Variants in AMER1 observed in about 807,000 individuals in gnomAD.
AMER1 encodes the protein APC membrane recruitment protein 1.
AMER1 carries 16 observed loss-of-function variants against 53.0 expected under a neutral mutation model. That is an observed-to-expected ratio of 0.30 (90% CI 0.20 to 0.46). The LOEUF (loss-of-function observed/expected upper bound fraction) is 0.46. Among genes scored for constraint, AMER1 ranks in the 20% least tolerant of loss-of-function variants. The pLI, the probability that AMER1 is intolerant of heterozygous loss-of-function variation, is 1.00. For synonymous variants in AMER1, 354 were observed against 331.9 expected (o/e 1.07, Z -0.73); for missense variants, 947 against 884.9 (o/e 1.07, Z -0.89).
rs370521101 is a variant in AMER1 at position 64,198,850 on chromosome X, A to G, written c.-98-5466T>C. On this transcript the variant is annotated intron_variant, in intron 1 of 1. Coordinates refer to ENST00000374869, the MANE Select transcript of AMER1 (RefSeq NM_152424.4). ...ACTCTACTCCCCTTTTCCTTAAGAG[A>G]TAGGTTTGAGTGGCCCAAAAACGAG... Among the ~76,000 whole-genome samples the G allele has an allele frequency of 2.7e-5, 3 of 112,094 alleles. No individual in the cohort carries two copies. The East Asian group carries it at 8.4e-4, about 31-fold the overall frequency.
chrX:64,198,586 A>G (rs778044968), intron 1 of AMER1, among the ~76,000 whole-genome samples: 1 of 111,854 alleles, frequency 8.9e-6, no homozygotes, highest in Non-Finnish European at 1.9e-5. Flanking sequence ...GAGAACTGCA[A>G]AGTTTACCCT....
At chrX:64,196,804 C>G (rs956642803) in intron 1 of AMER1, among the ~76,000 whole-genome samples, 1 of 111,672 alleles carries the variant, frequency 9.0e-6, no homozygotes, top group Non-Finnish European at 1.9e-5. Context: ...TCTGTGTTCT[C>G]TCTCCCAGAG....
chrX:64,194,181 C>T (rs1930317427), intron 1 of AMER1, among the ~76,000 whole-genome samples: 1 of 111,664 alleles, frequency 9.0e-6, no homozygotes, highest in Non-Finnish European at 1.9e-5. Context: ...GGCTGTCCTG[C>T]TGGGAAGATA....
In AMER1 at chrX:64,192,311, T is replaced by C. The variant is rs758208915; in HGVS notation, c.976A>G (p.Thr326Ala). ...VTSLKSFDSL[T>A]GCGDIIAEQD... is the part of the protein sequence containing the mutation. ...TCTGCTATTATGTCACCACAACCTG[T>C]CAATGAATCAAAGCTTTTCAGGGAT... Residue 326 changes from threonine to alanine, a missense_variant, in exon 2 of 2, where the codon ACA becomes GCA. Coordinates refer to ENST00000374869, the MANE Select transcript of AMER1 (RefSeq NM_152424.4). The C allele has an allele frequency of 8.3e-7, 1 of 1,210,933 alleles. No individual in the cohort carries two copies. The highest frequency in any genetic ancestry group is 2.2e-5 in the Admixed American group (1 of 45,955).
At chrX:64,198,758 C>T (rs753935017) in intron 1 of AMER1, among the ~76,000 whole-genome samples, 4 of 111,291 alleles carry the variant, frequency 3.6e-5, no homozygotes, top group Admixed American at 2.9e-4. Context: ...GGGCCAACAA[C>T]CCAGCCTGTG....
chrX:64,189,793 A>ACGGGGGGGC lies in AMER1; in HGVS notation c.*85_*86insGCCCCCCCG. On this transcript the variant is annotated 3_prime_UTR_variant, in exon 2 of 2. Coordinates refer to ENST00000374869, the MANE Select transcript of AMER1 (RefSeq NM_152424.4). ...CAAAGGGTTTTCAAGTTAAACAACA[A>ACGGGGGGGC]CCCCCACCCCCCCACCCTTCTGCCC... The ACGGGGGGGC allele has an allele frequency of 1.7e-5, 5 of 292,034 alleles. No homozygotes were observed. The highest frequency in any genetic ancestry group is 2.4e-5 in the Non-Finnish European group (5 of 204,797). The allele number at this position is 292,034 out of a possible 1,213,427, so 24.1% of individuals were successfully genotyped here. A position where few individuals can be genotyped will look rare whatever the true frequency, so the allele number is the denominator to read the frequency against.
At position 64,186,887 on chromosome X, in the gene AMER1, G is replaced by A; in HGVS notation, c.*2992C>T. On this transcript the variant is annotated 3_prime_UTR_variant, in exon 2 of 2. Coordinates refer to ENST00000374869, the MANE Select transcript of AMER1 (RefSeq NM_152424.4). The stretch of plus-strand genomic sequence containing the variant: ...TCCTCCAAGGACCAGTCTCATCTGG[G>A]AATTCTCAGGATCACAGCTGTCTGG... 1 of 773,338 alleles carries A rather than the reference G, an allele frequency of 1.3e-6. No homozygotes were observed. Among genetic ancestry groups the A allele is most frequent in the Non-Finnish European group, 1.5e-6 (1 of 650,240 alleles). 63.7% of individuals were successfully genotyped at this position (773,338 alleles called of 1,213,427 possible). A position where few individuals can be genotyped will look rare whatever the true frequency, so the allele number is the denominator to read the frequency against.
In AMER1 at chrX:64,186,765, A is replaced by T. The variant is rs1930120283; in HGVS notation, c.*3114T>A. On this transcript the variant is annotated 3_prime_UTR_variant, in exon 2 of 2. Transcript: ENST00000374869. ...TAGGGCTGGCTTGAACTGGGCCCCA[A>T]GGCAGTGCTTCCTTGGAGACTCTAA... 9 of 775,263 alleles carry T rather than the reference A, an allele frequency of 1.2e-5. No individual in the cohort carries two copies. Among genetic ancestry groups the T allele is most frequent in the Non-Finnish European group, 1.4e-5 (9 of 651,461 alleles). 63.9% of individuals were successfully genotyped at this position (775,263 alleles called of 1,213,427 possible).
In AMER1 at chrX:64,191,177, G is replaced by T. The variant is rs1174971100; in HGVS notation, c.2110C>A (p.Arg704Ser). Residue 704 changes from arginine (R) to serine (S), a missense_variant, in exon 2 of 2, where the codon CGT becomes AGT. Physicochemically the swap from Arg to Ser is moderately radical, Grantham distance 110 (BLOSUM62 -1). Coordinates refer to ENST00000374869, the MANE Select transcript of AMER1 (RefSeq NM_152424.4). Reference protein sequence around the residue: ...DWRDFRPLEKRYEGTCSKKDQ... With the variant: ...DWRDFRPLEKSYEGTCSKKDQ... ...TTCTTGGAGCAGGTTCCTTCATAAC[G>T]CTTCTCCAGAGGACGGAAGTCCCTC... 3 of 1,211,936 alleles carry T rather than the reference G, an allele frequency of 2.5e-6. No homozygotes were observed. In the East Asian group the frequency reaches 8.9e-5, roughly 36 times the overall value.
Position 64,189,792 on chromosome X carries a change from A to ACCCGGGGCCCCCCCCCCCCCCCCCC in AMER1, c.*86_*87insGGGGGGGGGGGGGGGGGGCCCCGGG. 1 of 746,979 alleles carries ACCCGGGGCCCCCCCCCCCCCCCCCC rather than the reference A, an allele frequency of 1.3e-6. No homozygotes were observed. Among genetic ancestry groups the ACCCGGGGCCCCCCCCCCCCCCCCCC allele is most frequent in the East Asian group, 8.5e-5 (1 of 11,770 alleles). 61.6% of individuals were successfully genotyped at this position (746,979 alleles called of 1,213,427 possible). Reference sequence around the variant, plus strand: ...CCAAAGGGTTTTCAAGTTAAACAACAACCCCCACCCCCCCACCCTTCTGCC... The same window carrying ACCCGGGGCCCCCCCCCCCCCCCCCC: ...CCAAAGGGTTTTCAAGTTAAACAACACCCGGGGCCCCCCCCCCCCCCCCCCACCCCCACCCCCCCACCCTTCTGCC... On this transcript the variant is annotated 3_prime_UTR_variant, in exon 2 of 2. Coordinates refer to ENST00000374869, the MANE Select transcript of AMER1 (RefSeq NM_152424.4).
intron 1 of AMER1, among the ~76,000 whole-genome samples, chrX:64,198,142 C>T (rs1569193575): frequency 9.0e-6 from 1 of 111,582 alleles, no homozygotes; most frequent in Non-Finnish European, 1.9e-5. Context: ...GCTTTACTTG[C>T]TCATTTAGCC....
intron 1 of AMER1, among the ~76,000 whole-genome samples, chrX:64,205,286 G>A (rs868585697): frequency 1.6e-4 from 12 of 76,791 alleles, no homozygotes; most frequent in Non-Finnish European, 3.1e-4. Context: ...GCCCATCCCC[G>A]CCCCCCCGAA....
chrX:64,189,792 A>ACCGGGGGCCCCCCCCCCC lies in AMER1; in HGVS notation c.*86_*87insGGGGGGGGGGGCCCCCGG. The ACCGGGGGCCCCCCCCCCC allele has an allele frequency of 1.3e-6, 1 of 746,979 alleles. No individual in the cohort carries two copies. Among genetic ancestry groups the ACCGGGGGCCCCCCCCCCC allele is most frequent in the East Asian group, 8.5e-5 (1 of 11,770 alleles). 61.6% of individuals were successfully genotyped at this position (746,979 alleles called of 1,213,427 possible). On this transcript the variant is annotated 3_prime_UTR_variant, in exon 2 of 2. Coordinates refer to ENST00000374869, the MANE Select transcript of AMER1 (RefSeq NM_152424.4). Reference sequence around the variant, plus strand: ...CCAAAGGGTTTTCAAGTTAAACAACAACCCCCACCCCCCCACCCTTCTGCC... The same window carrying ACCGGGGGCCCCCCCCCCC: ...CCAAAGGGTTTTCAAGTTAAACAACACCGGGGGCCCCCCCCCCCACCCCCACCCCCCCACCCTTCTGCC...
chrX:64,186,342 A>T lies in AMER1; in HGVS notation c.*3537T>A. ...TTAAAACTGTAAACAGCACCGCTTA[A>T]AAATAAATCAGAAAAGAACAATTGA... On this transcript the variant is annotated 3_prime_UTR_variant, in exon 2 of 2. Transcript: ENST00000374869. 2.1e-6 allele frequency: 2 copies of T among 963,545 alleles called. No homozygotes were observed. Among genetic ancestry groups the T allele is most frequent in the Non-Finnish European group, 2.6e-6 (2 of 766,629 alleles). The allele number at this position is 963,545 out of a possible 1,213,427, so 79.4% of individuals were successfully genotyped here. A position where few individuals can be genotyped will look rare whatever the true frequency, so the allele number is the denominator to read the frequency against.
chrX:64,190,615 C>T lies in AMER1; in HGVS notation c.2672G>A (p.Arg891Lys). The T allele has an allele frequency of 8.3e-7, 1 of 1,211,953 alleles. No homozygotes were observed. Among genetic ancestry groups the T allele is most frequent in the Non-Finnish European group, 1.1e-6 (1 of 895,576 alleles). ...TGCAGTGTCGAGAGAGCGGCTTCTCCTGTTGAGGGCCATAGCAGCAGGTGG... is the reference window on the plus strand; with the variant it reads ...TGCAGTGTCGAGAGAGCGGCTTCTCTTGTTGAGGGCCATAGCAGCAGGTGG... ...RPPPAAMALN[R>K]RSRSLDTAET... is the part of the protein sequence containing the mutation. Residue 891 changes from arginine (R) to lysine (K), a missense_variant, in exon 2 of 2, where the codon AGG (arginine) becomes AAG (lysine). By Grantham distance (26) the Arg-to-Lys change is conservative. Coordinates refer to ENST00000374869, the MANE Select transcript of AMER1 (RefSeq NM_152424.4).
Position 64,190,936 on chromosome X carries a change from GA to G in AMER1, c.2350del (p.Ser784ProfsTer24). 1 of 1,211,241 alleles carries G rather than the reference GA, an allele frequency of 8.3e-7. No individual in the cohort carries two copies. Among genetic ancestry groups the G allele is most frequent in the Non-Finnish European group, 1.1e-6 (1 of 895,307 alleles). ...VEFTSNGNLFSSMSCSSDSDS... is the reference protein window; with the variant it reads ...VEFTSNGNLFXSMSCSSDSDS... ...AGAGTCAGAGCTGCAGGACATGCTGGAAAAGAGGTTCCCATTGCTGGTGAAC... is the reference window on the plus strand; with the variant it reads ...AGAGTCAGAGCTGCAGGACATGCTGGAAAGAGGTTCCCATTGCTGGTGAAC... On this transcript the variant is annotated frameshift_variant, in exon 2 of 2. Coordinates refer to ENST00000374869, the MANE Select transcript of AMER1 (RefSeq NM_152424.4). LOFTEE classifies it high-confidence loss of function.
chrX:64,191,881 T>C lies in AMER1; in HGVS notation c.1406A>G (p.Glu469Gly). The C allele has an allele frequency of 8.3e-7, 1 of 1,211,334 alleles. No individual in the cohort carries two copies. ...DQQESAPNSDEGYYDSTTPGF... is the reference protein window; with the variant it reads ...DQQESAPNSDGGYYDSTTPGF... ...AGGTGTGGTGGAGTCATAATAACCT[T>C]CATCACTATTGGGGGCGGATTCTTG... The change falls in exon 2 of 2, where the codon GAA becomes GGA. Residue 469 changes from glutamate to glycine, a missense_variant. Physicochemically the swap from Glu to Gly is moderately conservative, Grantham distance 98 (BLOSUM62 -2). Transcript: ENST00000374869.
chrX:64,189,793 A>AGGGGGGGGGGCCCC lies in AMER1; in HGVS notation c.*85_*86insGGGGCCCCCCCCCC. ...CAAAGGGTTTTCAAGTTAAACAACA[A>AGGGGGGGGGGCCCC]CCCCCACCCCCCCACCCTTCTGCCC... On this transcript the variant is annotated 3_prime_UTR_variant, in exon 2 of 2. Transcript: ENST00000374869. The AGGGGGGGGGGCCCC allele has an allele frequency of 3.4e-6, 1 of 292,072 alleles. No homozygotes were observed. The highest frequency in any genetic ancestry group is 4.9e-6 in the Non-Finnish European group (1 of 204,830). The allele number at this position is 292,072 out of a possible 1,213,427, so 24.1% of individuals were successfully genotyped here. A position where few individuals can be genotyped will look rare whatever the true frequency, so the allele number is the denominator to read the frequency against.
Position 64,189,989 on chromosome X carries a change from T to C in AMER1, c.3298A>G (p.Thr1100Ala). ...VRPEHPQPQP[T>A]HYGPSSLDLS... ...TCAAGGCTGGAAGGCCCATAGTGAGTGGGCTGAGGCTGGGGGTGCTCAGGC... is the reference window on the plus strand; with the variant it reads ...TCAAGGCTGGAAGGCCCATAGTGAGCGGGCTGAGGCTGGGGGTGCTCAGGC... Residue 1100 changes from threonine to alanine, a missense_variant, in exon 2 of 2, where the codon ACT becomes GCT. Physicochemically the swap from Thr to Ala is moderately conservative, Grantham distance 58. Coordinates refer to ENST00000374869, the MANE Select transcript of AMER1 (RefSeq NM_152424.4). 1 of 1,206,886 alleles carries C rather than the reference T, an allele frequency of 8.3e-7. No individual in the cohort carries two copies. Among genetic ancestry groups the C allele is most frequent in the South Asian group, 1.8e-5 (1 of 56,136 alleles).
Sources: allele counts gnomAD v4.1 joint callset (sites outside exome capture counted in the v4.1 genomes callset), GRCh38; gene constraint gnomAD v4.1.1; transcripts MANE v1.5; gene names NCBI Gene and HGNC (gene_info 2026-07-23, HGNC 2026-07-21).